Variants in NAV3 observed in about 807,000 individuals in gnomAD.
NAV3 encodes the protein pore membrane and/or filament interacting like protein 1.
NAV3 carries 87 observed loss-of-function variants against 244.7 expected under a neutral mutation model. That is an observed-to-expected ratio of 0.36 (90% CI 0.30 to 0.42). NAV3 has a LOEUF of 0.42. Ranked by LOEUF, NAV3 falls within the 20% of genes least tolerant of loss-of-function variation. NAV3 has a pLI of 1.00. For synonymous variants in NAV3, 1,126 were observed against 1,042.2 expected (o/e 1.08, Z -1.55); for missense variants, 2,663 against 2,893.3 (o/e 0.92, Z 1.83).
intron 22 of NAV3, among the ~76,000 whole-genome samples, chr12:78,158,729 C>T (rs1957406211): frequency 6.6e-6 from 1 of 152,136 alleles, no homozygotes; most frequent in South Asian, 2.1e-4. Flanking sequence ...AGATGTCTGA[C>T]ACTTGATGGA....
At chr12:77,970,082 A>G (rs1346375959) in intron 5 of NAV3, among the ~76,000 whole-genome samples, 2 of 152,154 alleles carry the variant, frequency 1.3e-5, no homozygotes, top group African/African-American at 4.8e-5. Context: ...AAGCTACTAT[A>G]TTTGTTCCTG....
intron 2 of NAV3, among the ~76,000 whole-genome samples, chr12:77,723,881 T>C (rs1318180714): frequency 1.3e-5 from 2 of 151,536 alleles, no homozygotes; most frequent in Non-Finnish European, 2.9e-5. Context: ...AAAGCCTTTT[T>C]CATGTTGAAT....
intron 3 of NAV3, among the ~76,000 whole-genome samples, chr12:77,954,627 G>A (rs1732551639): frequency 6.6e-6 from 1 of 152,142 alleles, no homozygotes; most frequent in Non-Finnish European, 1.5e-5. Flanking sequence ...CCTGTGCTTG[G>A]TTGTTGAGTG....
chr12:78,004,706 T>C (rs1314182677), intron 7 of NAV3, among the ~76,000 whole-genome samples: 2 of 152,218 alleles, frequency 1.3e-5, no homozygotes, highest in African/African-American at 2.4e-5. Context: ...CTCTTATTAT[T>C]CCAGTGCCTT....
At position 77,611,408 on chromosome 12, in the gene NAV3, C is replaced by T. The variant is rs118038398; in HGVS notation, c.72+39142C>T. 1.0e-3 allele frequency among the ~76,000 whole-genome samples: 151 copies of T among 151,748 alleles called. 1 individual carries two copies. Among genetic ancestry groups the T allele is most frequent in the South Asian group, 1.9e-3 (9 of 4,798 alleles). On this transcript the variant is annotated intron_variant, in intron 2 of 8. Coordinates refer to the NAV3 transcript ENST00000550042. ...TTCAAGTGAGTTTGGTGAGGACAGG[C>T]GAAATATTGATACATTAAATGTAAA...
intron 2 of NAV3, among the ~76,000 whole-genome samples, chr12:77,735,386 A>C (rs983788273): frequency 6.6e-6 from 1 of 152,166 alleles, no homozygotes; most frequent in Admixed American, 6.5e-5. Flanking sequence ...TTAATGAATT[A>C]GTTAACATAA....
intron 2 of NAV3, among the ~76,000 whole-genome samples, chr12:77,727,150 A>T (rs1271043740): frequency 2.6e-5 from 4 of 151,954 alleles, no homozygotes; most frequent in African/African-American, 9.7e-5. Context: ...AAGGTTGGTG[A>T]TGCCATGATT....
intron 2 of NAV3, among the ~76,000 whole-genome samples, chr12:77,667,928 C>T (rs572741936): frequency 6.6e-6 from 1 of 152,332 alleles, no homozygotes; most frequent in Non-Finnish European, 1.5e-5. Flanking sequence ...AGAGCAGGTG[C>T]TGGTATCCAT....
At chr12:77,953,501 A>G (rs900254974) in intron 3 of NAV3, among the ~76,000 whole-genome samples, 1 of 152,134 alleles carries the variant, frequency 6.6e-6, no homozygotes, top group Non-Finnish European at 1.5e-5. Context: ...TAACTGCAAA[A>G]TTTTTAATTA....
chr12:77,944,225 G>A (rs1041047563), intron 3 of NAV3, among the ~76,000 whole-genome samples: 5 of 152,094 alleles, frequency 3.3e-5, no homozygotes, highest in African/African-American at 4.8e-5. Context: ...CCAAAGTAAG[G>A]AGTTGGTATG....
intron 2 of NAV3, among the ~76,000 whole-genome samples, chr12:77,710,625 T>G (rs1016572567): frequency 6.6e-6 from 1 of 152,170 alleles, no homozygotes; most frequent in African/African-American, 2.4e-5. Flanking sequence ...CATTATTTAA[T>G]TAGCATATCA....
chr12:77,926,592 G>T lies in NAV3; in HGVS notation c.244-13727G>T, dbSNP rs964963450. Among the ~76,000 whole-genome samples, 13 of 152,298 alleles carry T rather than the reference G, an allele frequency of 8.5e-5. No homozygotes were observed. The Middle Eastern group carries it at 0.01, about 120-fold the overall frequency. On this transcript the variant is annotated intron_variant, in intron 1 of 39. Coordinates refer to ENST00000397909, the MANE Select transcript of NAV3 (RefSeq NM_001024383.2). Reference sequence around the variant, plus strand: ...CATTGAAAGACAGTTTAAGGTATTAGAATTAAATCTCTTGTAATTTGTGAA... The same window carrying T: ...CATTGAAAGACAGTTTAAGGTATTATAATTAAATCTCTTGTAATTTGTGAA...
chr12:77,578,321 A>C (rs1295767957), intron 2 of NAV3, among the ~76,000 whole-genome samples: 1 of 151,892 alleles, frequency 6.6e-6, no homozygotes, highest in Non-Finnish European at 1.5e-5. Flanking sequence ...ATATTTGAGA[A>C]CCCTTGCCCT....
chr12:78,051,134 G>T lies in NAV3; in HGVS notation c.2503G>T (p.Asp835Tyr). The T allele has an allele frequency of 6.2e-7, 1 of 1,604,844 alleles. No individual in the cohort carries two copies. Among genetic ancestry groups the T allele is most frequent in the Non-Finnish European group, 8.5e-7 (1 of 1,172,504 alleles). Residue 835 changes from aspartate (D) to tyrosine (Y), a missense_variant, in exon 11 of 40, where the codon GAC becomes TAC. Transcript: ENST00000397909. ...DILGKSLRTD[D>Y]INSGYMTDGG... is the part of the protein sequence containing the mutation. ...CCTTGGGAAAAGTCTCAGGACTGAT[G>T]ACATCAACAGTGGGTAAGTAACCCT...
intron 22 of NAV3, among the ~76,000 whole-genome samples, chr12:78,157,919 G>C (rs1957374290): frequency 6.6e-6 from 1 of 152,022 alleles, no homozygotes; most frequent in Admixed American, 6.6e-5. Flanking sequence ...TCTCCATATT[G>C]CAGTGTCAGG....
chr12:78,133,375 A>G (rs1243350994), intron 18 of NAV3, among the ~76,000 whole-genome samples: 1 of 151,336 alleles, frequency 6.6e-6, no homozygotes, highest in Non-Finnish European at 1.5e-5. Flanking sequence ...AATAAATTAA[A>G]GTTACTTTAT....
intron 39 of NAV3, among the ~76,000 whole-genome samples, chr12:78,206,266 T>C (rs894834237): frequency 5.9e-5 from 9 of 152,172 alleles, no homozygotes; most frequent in African/African-American, 1.9e-4. Flanking sequence ...TATAACATGG[T>C]ACCTGGCCTT....
chr12:78,189,967 T>G lies in NAV3; in HGVS notation c.6056-17T>G. 6.4e-7 allele frequency: 1 copy of G among 1,572,304 alleles called. No homozygotes were observed. Among genetic ancestry groups the G allele is most frequent in the African/African-American group, 1.4e-5 (1 of 74,008 alleles). On this transcript the variant is annotated splice_polypyrimidine_tract_variant and intron_variant, in intron 33 of 39. Transcript: ENST00000397909. ...GTAGAACAATAAATCATGCTATTTTTTTGTTTCTTCTTTCAGGGGTAGAAG... is the reference window on the plus strand; with the variant it reads ...GTAGAACAATAAATCATGCTATTTTGTTGTTTCTTCTTTCAGGGGTAGAAG...
chr12:77,976,708 T>C (rs1341492695), intron 5 of NAV3, among the ~76,000 whole-genome samples: 1 of 130,506 alleles, frequency 7.7e-6, no homozygotes, highest in Non-Finnish European at 1.6e-5. Context: ...GGAGTCTTAC[T>C]CTGTCACCAG....
Sources: allele counts gnomAD v4.1 joint callset (sites outside exome capture counted in the v4.1 genomes callset), GRCh38; gene constraint gnomAD v4.1.1; transcripts MANE v1.5; gene names NCBI Gene and HGNC (gene_info 2026-07-23, HGNC 2026-07-21).